The following SORL1 variants were observed in gnomAD, a reference collection of about 807,000 sequenced individuals.
SORL1 encodes the protein sortilin related receptor 1, also known as sortilin-related receptor.
In SORL1, 127 loss-of-function variants were observed where a neutral mutation model predicts 273.7. That is an observed-to-expected ratio of 0.46 (90% CI 0.40 to 0.54). The LOEUF (loss-of-function observed/expected upper bound fraction) is 0.54, where lower values mean the gene tolerates loss of function less well. Ranked by LOEUF, SORL1 falls within the 20% of genes least tolerant of loss-of-function variation. The pLI is 0.00. For missense variants in SORL1, 2,494 were observed against 2,846.1 expected (o/e 0.88, Z 2.81); for synonymous variants, 1,031 against 1,067.4 (o/e 0.97, Z 0.66).
intron 28 of SORL1, among the ~76,000 whole-genome samples, 156 bp from the exon 29 acceptor site, chr11:121,589,103 T>C (rs1863166995): frequency 6.6e-6 from 1 of 152,202 alleles, no homozygotes; most frequent in Admixed American, 6.5e-5. Context: ...GTGCTCTGTT[T>C]AGATTAGGTT....
At chr11:121,559,896 C>G (rs1214541742) in intron 21 of SORL1, among the ~76,000 whole-genome samples, 1 of 152,144 alleles carries the variant, frequency 6.6e-6, no homozygotes, top group African/African-American at 2.4e-5. Flanking sequence ...GTAATTACAC[C>G]CTCCTCCTGC....
chr11:121,625,231 G>C lies in SORL1; in HGVS notation c.6318G>C (p.Gln2106His). ...TVQARCLFGNQICGEPAILLY... is the reference protein window; with the variant it reads ...TVQARCLFGNHICGEPAILLY... ...AAGCAAGATGCCTTTTTGGCAACCAGATCTGTGGGGAGCCTGCCATCCTGC... is the reference window on the plus strand; with the variant it reads ...AAGCAAGATGCCTTTTTGGCAACCACATCTGTGGGGAGCCTGCCATCCTGC... The change falls in exon 46 of 48, where the codon CAG becomes CAC. Residue 2106 changes from glutamine (Q) to histidine (H), a missense_variant. Coordinates refer to ENST00000260197, the MANE Select transcript of SORL1 (RefSeq NM_003105.6). 1 of 1,614,096 alleles carries C rather than the reference G, an allele frequency of 6.2e-7. No individual in the cohort carries two copies. Among genetic ancestry groups the C allele is most frequent in the Non-Finnish European group, 8.5e-7 (1 of 1,180,012 alleles).
chr11:121,595,486 A>C lies in SORL1; in HGVS notation c.4370-137A>C. The C allele has an allele frequency of 1.3e-6, 1 of 770,472 alleles. No homozygotes were observed. The highest frequency in any genetic ancestry group is 2.1e-6 in the Non-Finnish European group (1 of 467,842). The allele number at this position is 770,472 out of a possible 1,614,324, so 47.7% of individuals were successfully genotyped here. A position where few individuals can be genotyped will look rare whatever the true frequency, so the allele number is the denominator to read the frequency against. ...GATGTCTGTATCTACTCTGCTCTCT[A>C]TCCGGAACTCGCATTTGTCTTCAGG... On this transcript the variant is annotated intron_variant, in intron 31 of 47. Transcript: ENST00000260197. The surrounding 1 kb of genome is among the most constrained non-coding windows in gnomAD (Gnocchi z 5.1).
intron 2 of SORL1, among the ~76,000 whole-genome samples, chr11:121,472,887 G>T (rs1313115244): frequency 6.6e-6 from 1 of 151,832 alleles, no homozygotes; most frequent in Admixed American, 6.6e-5. Flanking sequence ...TTGAACCCGG[G>T]AGGTGGAGGT....
intron 14 of SORL1, chr11:121,546,876 C>T (rs1862434017): frequency 6.6e-6 from 1 of 152,232 alleles, no homozygotes; most frequent in African/African-American, 2.4e-5. Context: ...CTGCCTTGGT[C>T]ACATGCAGAT....
chr11:121,525,207 A>G (rs1015916454), intron 11 of SORL1, among the ~76,000 whole-genome samples: 4 of 152,226 alleles, frequency 2.6e-5, no homozygotes, highest in Admixed American at 2.0e-4. Flanking sequence ...GAATTTTGAT[A>G]AGTGGACTCA....
intron 3 of SORL1, among the ~76,000 whole-genome samples, chr11:121,481,987 G>T (rs1234837131): frequency 6.6e-6 from 1 of 152,166 alleles, no homozygotes; most frequent in African/African-American, 2.4e-5. Flanking sequence ...CTATAGGCAG[G>T]CTCCATCTCT....
At chr11:121,504,495 T>C (rs1861759320) in intron 6 of SORL1, among the ~76,000 whole-genome samples, 1 of 152,326 alleles carries the variant, frequency 6.6e-6, no homozygotes, top group South Asian at 2.1e-4. Flanking sequence ...TGTTCATTGC[T>C]AATATATAGA....
Position 121,550,518 on chromosome 11 carries a change from C to A in SORL1, c.2181-67C>A. ...TGGCCGTGGGTAGTAAGTGTATTCCCAGCTGGGATGCCTTTGTGGCTATTC... is the reference window on the plus strand; with the variant it reads ...TGGCCGTGGGTAGTAAGTGTATTCCAAGCTGGGATGCCTTTGTGGCTATTC... On this transcript the variant is annotated intron_variant, in intron 15 of 47. Coordinates refer to ENST00000260197, the MANE Select transcript of SORL1 (RefSeq NM_003105.6). The surrounding 1 kb of genome is among the most constrained non-coding windows in gnomAD (Gnocchi z 5.3). 7.2e-7 allele frequency: 1 copy of A among 1,383,134 alleles called. No homozygotes were observed. Among genetic ancestry groups the A allele is most frequent in the Non-Finnish European group, 1.0e-6 (1 of 971,954 alleles). The allele number at this position is 1,383,134 out of a possible 1,614,324, so 85.7% of individuals were successfully genotyped here.
chr11:121,530,370 T>A (rs530525543), intron 11 of SORL1, among the ~76,000 whole-genome samples: 1 of 152,308 alleles, frequency 6.6e-6, no homozygotes, highest in South Asian at 2.1e-4. Flanking sequence ...TCTTTTGAAA[T>A]TTCTGTTTTA....
chr11:121,471,151 C>A (rs1186492013), intron 2 of SORL1, among the ~76,000 whole-genome samples: 1 of 152,130 alleles, frequency 6.6e-6, no homozygotes, highest in Non-Finnish European at 1.5e-5. Context: ...ATACTTGGTT[C>A]CTGTGTTGGA....
At chr11:121,620,030 C>A in intron 43 of SORL1, 113 bp downstream of exon 43, 1 of 836,766 alleles carries the variant, frequency 1.2e-6, no homozygotes, top group Non-Finnish European at 2.0e-6. Flanking sequence ...GTTTCTGGCG[C>A]TCAGCAGGAG....
At chr11:121,481,859 A>G (rs481489) in intron 3 of SORL1, among the ~76,000 whole-genome samples, 253 of 89,914 alleles carry the variant, frequency 2.8e-3, no homozygotes, top group East Asian at 0.019. Context: ...CTCCCCTAGT[A>G]CACAGATACC....
rs199914089 is a variant in SORL1 at position 121,550,131 on chromosome 11, G to A, written c.2180+43G>A. 3.8e-6 allele frequency: 6 copies of A among 1,591,328 alleles called. No individual in the cohort carries two copies. Among genetic ancestry groups the A allele is most frequent in the East Asian group, 2.3e-5 (1 of 44,232 alleles). ...TGCCCTGTCAGGTTCTCAGCGGTCC[G>A]CACATGGAGCGAGAGAGCATAGAGG... On this transcript the variant is annotated intron_variant, in intron 15 of 47. Transcript: ENST00000260197. This position sits in a 1 kb window ranked among gnomAD's most constrained non-coding sequence, Gnocchi z 5.3.
At chr11:121,587,514 C>T (rs1481799039) in intron 27 of SORL1, among the ~76,000 whole-genome samples, 1 of 152,338 alleles carries the variant, frequency 6.6e-6, no homozygotes. Flanking sequence ...TTTCATTTAA[C>T]CTCCATTACC....
At chr11:121,607,680 A>G (rs1863499359) in intron 37 of SORL1, among the ~76,000 whole-genome samples, 1 of 152,158 alleles carries the variant, frequency 6.6e-6, no homozygotes, top group African/African-American at 2.4e-5. Flanking sequence ...TATGAAATAT[A>G]TTTTTAGTAT....
At chr11:121,453,247 A>G (rs1860839378) in intron 1 of SORL1, among the ~76,000 whole-genome samples, 1 of 152,106 alleles carries the variant, frequency 6.6e-6, no homozygotes, top group South Asian at 2.1e-4. Context: ...TTTATTTTGG[A>G]GAGGAATACC....
Position 121,563,040 on chromosome 11 carries a change from T to A in SORL1, c.3049+3383T>A, listed in dbSNP as rs1862702598. Among the ~76,000 whole-genome samples the A allele has an allele frequency of 6.6e-6, 1 of 152,228 alleles. No individual in the cohort carries two copies. The highest frequency in any genetic ancestry group is 2.1e-4 in the South Asian group (1 of 4,832). On this transcript the variant is annotated intron_variant, in intron 21 of 47. Coordinates refer to ENST00000260197, the MANE Select transcript of SORL1 (RefSeq NM_003105.6). This position sits in a 1 kb window ranked among gnomAD's most constrained non-coding sequence, Gnocchi z 4.2. ...ACCACAGTAATGTGCTTTGTGGGCT[T>A]GTATAACCTCACTTCGTCTTCCCAA...
rs1462218920 is a variant in SORL1 at position 121,632,742 on chromosome 11, T to A, written c.*3179T>A. On this transcript the variant is annotated 3_prime_UTR_variant, in exon 48 of 48. Transcript: ENST00000260197. ...CTTGGCGAATGCTGCCTTCAGATGCTTACCAAGTGGTCACTGCATCTAGTA... is the reference window on the plus strand; with the variant it reads ...CTTGGCGAATGCTGCCTTCAGATGCATACCAAGTGGTCACTGCATCTAGTA... The A allele has an allele frequency of 6.6e-6, 1 of 152,080 alleles. No homozygotes were observed. The highest frequency in any genetic ancestry group is 2.4e-5 in the African/African-American group (1 of 41,396). 9.4% of individuals were successfully genotyped at this position (152,080 alleles called of 1,614,324 possible). A position where few individuals can be genotyped will look rare whatever the true frequency, so the allele number is the denominator to read the frequency against.
Sources: gnomAD v4.1 joint callset for allele counts (sites outside exome capture counted in the v4.1 genomes callset) on GRCh38, gnomAD v4.1.1 for gene constraint, Gnocchi (gnomAD v3.1) non-coding constraint, MANE v1.5 for transcripts, NCBI Gene and HGNC (gene_info 2026-07-23, HGNC 2026-07-21) for gene names.